NIBAN2: variants seen among roughly 807,000 people sequenced by gnomAD.
NIBAN2 encodes niban apoptosis regulator 2, also known as protein Niban 2.
Under a neutral mutation model 81.8 loss-of-function variants are expected in NIBAN2, and 36 were observed. That is an observed-to-expected ratio of 0.44 (90% CI 0.34 to 0.58). The LOEUF (loss-of-function observed/expected upper bound fraction) is 0.58. Among genes scored for constraint, NIBAN2 ranks in the 20% least tolerant of loss-of-function variants. The pLI is 0.02. For synonymous variants in NIBAN2, 445 were observed against 441.6 expected, an observed-to-expected ratio of 1.01 and a Z score of -0.10; for missense variants, 897 against 1,014.1, an observed-to-expected ratio of 0.88 and a Z score of 1.57.
chr9:127,512,263 C>T (rs1342000214), intron 8 of NIBAN2, among the ~76,000 whole-genome samples: 2 of 151,232 alleles, frequency 1.3e-5, no homozygotes, highest in African/African-American at 2.4e-5. Flanking sequence ...CCCGCCTTTC[C>T]GGACTGAACC....
chr9:127,517,978 A>G lies in NIBAN2; in HGVS notation c.590-37T>C, dbSNP rs1398929092. Reference sequence around the variant, plus strand: ...ACGGAGGGAGAGAGGAGGTCAGCAGATGGCCCAGTGGCCTCTACCAAGACC... The same window carrying G: ...ACGGAGGGAGAGAGGAGGTCAGCAGGTGGCCCAGTGGCCTCTACCAAGACC... On this transcript the variant is annotated intron_variant, in intron 5 of 13. Transcript: ENST00000373312. The surrounding 1 kb of genome is among the most constrained non-coding windows in gnomAD (Gnocchi z 4.0). 7 of 1,421,968 alleles carry G rather than the reference A, an allele frequency of 4.9e-6. No homozygotes were observed. Among genetic ancestry groups the G allele is most frequent in the Admixed American group, 4.0e-5 (2 of 49,986 alleles). The allele number at this position is 1,421,968 out of a possible 1,614,324, so 88.1% of individuals were successfully genotyped here.
At position 127,544,591 on chromosome 9, in the gene NIBAN2, C is replaced by T. The variant is rs905414537; in HGVS notation, c.56-12813G>A. On this transcript the variant is annotated intron_variant, in intron 1 of 13. Coordinates refer to ENST00000373312, the MANE Select transcript of NIBAN2 (RefSeq NM_022833.4). Reference sequence around the variant, plus strand: ...TGATCTCAGCTCGCTGCAATCTCCGCCTCCCAGGTTCAAACAATTCTCCTG... The same window carrying T: ...TGATCTCAGCTCGCTGCAATCTCCGTCTCCCAGGTTCAAACAATTCTCCTG... Among the ~76,000 whole-genome samples the T allele has an allele frequency of 3.3e-5, 5 of 152,186 alleles. No individual in the cohort carries two copies. The East Asian group carries it at 7.7e-4, about 24-fold the overall frequency.
intron 1 of NIBAN2, among the ~76,000 whole-genome samples, chr9:127,553,718 G>A (rs1047958616): frequency 6.6e-6 from 1 of 152,180 alleles, no homozygotes; most frequent in African/African-American, 2.4e-5. Flanking sequence ...CTGGGGACCT[G>A]GAGCTCTGTC....
intron 3 of NIBAN2, among the ~76,000 whole-genome samples, chr9:127,526,101 A>G (rs1298026008): frequency 6.6e-6 from 1 of 152,152 alleles, no homozygotes; most frequent in Non-Finnish European, 1.5e-5. Flanking sequence ...AGAACTTACT[A>G]GAAATGCAAA....
chr9:127,543,552 G>C (rs1837419858), intron 1 of NIBAN2, among the ~76,000 whole-genome samples: 1 of 152,142 alleles, frequency 6.6e-6, no homozygotes, highest in Non-Finnish European at 1.5e-5. Flanking sequence ...GGACTAACTT[G>C]TCACCACAGG....
At chr9:127,515,520 CAAAAAA>C (rs60740827) in intron 8 of NIBAN2, among the ~76,000 whole-genome samples, 1 of 90,500 alleles carries the variant, frequency 1.1e-5, no homozygotes, top group Non-Finnish European at 2.0e-5. Context: ...GACTCCGTCT[CAAAAAA>C]AAAAAAAAAA....
At position 127,508,691 on chromosome 9, in the gene NIBAN2, C is replaced by T. The variant is rs568490050; in HGVS notation, c.1318-153G>A. ...GTCTATGCCCACTCACAGCTCTGCA[C>T]GCTGGAGCAAGTCCCTGCCTCAAGG... is the stretch of plus-strand genomic sequence containing the variant. On this transcript the variant is annotated intron_variant, in intron 10 of 13. Coordinates refer to ENST00000373312, the MANE Select transcript of NIBAN2 (RefSeq NM_022833.4). This position sits in a 1 kb window ranked among gnomAD's most constrained non-coding sequence, Gnocchi z 6.4. 8.5e-5 allele frequency among the ~76,000 whole-genome samples: 13 copies of T among 152,132 alleles called. No individual in the cohort carries two copies. Among genetic ancestry groups the T allele is most frequent in the East Asian group, 5.8e-4 (3 of 5,164 alleles).
intron 8 of NIBAN2, among the ~76,000 whole-genome samples, chr9:127,512,247 A>T: frequency 6.6e-6 from 1 of 150,752 alleles, no homozygotes. Context: ...TTTTCCTTCA[A>T]GTTCTCCCGC....
intron 1 of NIBAN2, among the ~76,000 whole-genome samples, chr9:127,532,138 G>A (rs1469740881): frequency 1.3e-5 from 2 of 152,218 alleles, no homozygotes; most frequent in South Asian, 2.1e-4. Context: ...CAGCCATTTC[G>A]GAGGGTGGGT....
Position 127,508,776 on chromosome 9 carries a change from C to T in NIBAN2, c.1317+200G>A, listed in dbSNP as rs1337666919. 6.6e-6 allele frequency among the ~76,000 whole-genome samples: 1 copy of T among 151,966 alleles called. No homozygotes were observed. Among genetic ancestry groups the T allele is most frequent in the Non-Finnish European group, 1.5e-5 (1 of 67,984 alleles). ...AGGAGAGCTTCCTGGAGGAAGGGGTCTCTAAGCTGAGACCTGGGAAGTGAG... is the reference window on the plus strand; with the variant it reads ...AGGAGAGCTTCCTGGAGGAAGGGGTTTCTAAGCTGAGACCTGGGAAGTGAG... On this transcript the variant is annotated intron_variant, in intron 10 of 13. Coordinates refer to ENST00000373312, the MANE Select transcript of NIBAN2 (RefSeq NM_022833.4). This position sits in a 1 kb window ranked among gnomAD's most constrained non-coding sequence, Gnocchi z 6.4.
In NIBAN2 at chr9:127,517,831, C is replaced by T; in HGVS notation, c.700G>A (p.Val234Met). 6.2e-7 allele frequency: 1 copy of T among 1,613,238 alleles called. No homozygotes were observed. The highest frequency in any genetic ancestry group is 8.5e-7 in the Non-Finnish European group (1 of 1,179,516). The change falls in exon 6 of 14, where the codon GTG becomes ATG. Residue 234 changes from valine to methionine, a missense_variant. Around this residue, in one of 3 missense-constraint regions of NIBAN2, gnomAD observed 69 missense variants for 114.7 expected, o/e 0.60. Coordinates refer to ENST00000373312, the MANE Select transcript of NIBAN2 (RefSeq NM_022833.4). The surrounding 1 kb of genome is among the most constrained non-coding windows in gnomAD (Gnocchi z 4.0). ...GTWEMLCGNE[V>M]QILSNLVMEE... is the part of the protein sequence containing the mutation. ...ACCAGCCCGTCTGGCCTCACCTGCA[C>T]CTCGTTCCCACACAGCATCTCCCAG... is the stretch of plus-strand genomic sequence containing the variant.
intron 1 of NIBAN2, among the ~76,000 whole-genome samples, chr9:127,552,809 C>A (rs1410446929): frequency 3.3e-5 from 5 of 151,012 alleles, no homozygotes; most frequent in Non-Finnish European, 7.4e-5. Context: ...CTGCATCAGC[C>A]TCCCAAGTAG....
At chr9:127,575,970 C>G (rs936511186) in intron 1 of NIBAN2, among the ~76,000 whole-genome samples, 5 of 152,186 alleles carry the variant, frequency 3.3e-5, no homozygotes, top group South Asian at 4.1e-4. Flanking sequence ...ATTATCACCC[C>G]CTCCCCAGTG....
chr9:127,575,239 T>G (rs1196131937), intron 1 of NIBAN2, among the ~76,000 whole-genome samples: 2 of 151,248 alleles, frequency 1.3e-5, no homozygotes, highest in Non-Finnish European at 3.0e-5. Context: ...TCTTTTTTTT[T>G]TTTTTTTGAG....
Position 127,563,961 on chromosome 9 carries a change from G to A in NIBAN2, c.55+4859C>T, listed in dbSNP as rs79272185. Among the ~76,000 whole-genome samples, 1,873 of 152,176 alleles carry A rather than the reference G, an allele frequency of 0.012. 26 individuals are homozygous for A. Among genetic ancestry groups the A allele is most frequent in the East Asian group, 0.064 (332 of 5,172 alleles). On this transcript the variant is annotated intron_variant, in intron 1 of 13. Transcript: ENST00000373312. The surrounding 1 kb of genome is among the most constrained non-coding windows in gnomAD (Gnocchi z 4.1). ...CCATCTTAGCAGGAGAGTGTCAAACGCCTGCTGCCTTCTTAAAGGCTATGT... is the reference window on the plus strand; with the variant it reads ...CCATCTTAGCAGGAGAGTGTCAAACACCTGCTGCCTTCTTAAAGGCTATGT...
In NIBAN2 at chr9:127,545,176, C is replaced by T. The variant is rs141395429; in HGVS notation, c.56-13398G>A. Among the ~76,000 whole-genome samples the T allele has an allele frequency of 1.6e-3, 244 of 152,258 alleles. No individual in the cohort carries two copies. Among genetic ancestry groups the T allele is most frequent in the Middle Eastern group, 6.8e-3 (2 of 294 alleles). On this transcript the variant is annotated intron_variant, in intron 1 of 13. Coordinates refer to ENST00000373312, the MANE Select transcript of NIBAN2 (RefSeq NM_022833.4). The surrounding 1 kb of genome is among the most constrained non-coding windows in gnomAD (Gnocchi z 4.7). The stretch of plus-strand genomic sequence containing the variant: ...TCTACAGTGCCCTCCTAGCGTCCAC[C>T]CCTTGTGCCTGGCCAACTCCTCTTT...
In NIBAN2 at chr9:127,542,298, C is replaced by G. The variant is rs1219020083; in HGVS notation, c.56-10520G>C. ...CCATGCGTCTTTCAACTGGAAAGCC[C>G]CAGGCTGGGTGGGAGCCCTCCACCT... On this transcript the variant is annotated intron_variant, in intron 1 of 13. Coordinates refer to ENST00000373312, the MANE Select transcript of NIBAN2 (RefSeq NM_022833.4). Among the ~76,000 whole-genome samples, 8 of 152,320 alleles carry G rather than the reference C, an allele frequency of 5.3e-5. No homozygotes were observed. The South Asian group carries it at 1.0e-3, about 20-fold the overall frequency.
At chr9:127,542,825 C>G (rs1052023231) in intron 1 of NIBAN2, among the ~76,000 whole-genome samples, 3 of 152,244 alleles carry the variant, frequency 2.0e-5, no homozygotes, top group African/African-American at 7.2e-5. Flanking sequence ...CAGATTCAAG[C>G]AATTCTTCTG....
At chr9:127,568,789 C>T in intron 1 of NIBAN2, 31 bp downstream of exon 1, 2 of 1,288,220 alleles carry the variant, frequency 1.6e-6, no homozygotes, top group South Asian at 2.2e-5. Flanking sequence ...CGGCAGGCCC[C>T]TGGGCGCGCG....
Sources: allele counts gnomAD v4.1 joint callset (sites outside exome capture counted in the v4.1 genomes callset), GRCh38; gene constraint gnomAD v4.1.1; regional missense constraint gnomAD v4.1.1; non-coding constraint Gnocchi (gnomAD v3.1); transcripts MANE v1.5; gene names NCBI Gene and HGNC (gene_info 2026-07-23, HGNC 2026-07-21).